KCTD1: variants seen among roughly 807,000 people sequenced by gnomAD.
KCTD1 encodes BTB/POZ domain-containing protein KCTD1.
A neutral mutation model predicts 66.0 loss-of-function variants in KCTD1; 24 were observed. The observed-to-expected ratio is 0.36, with a 90% CI of 0.26 to 0.51. KCTD1 has a LOEUF of 0.51. Among genes scored for constraint, KCTD1 ranks in the 20% least tolerant of loss-of-function variants. KCTD1 has a pLI of 0.95. For missense variants in KCTD1, 943 were observed against 1,205.2 expected (o/e 0.78, Z 3.22); for synonymous variants, 511 against 517.2 (o/e 0.99, Z 0.16).
intron 1 of KCTD1, among the ~76,000 whole-genome samples, chr18:26,513,278 G>T (rs1282349743): frequency 6.6e-6 from 1 of 151,594 alleles, no homozygotes; most frequent in Non-Finnish European, 1.5e-5. Context: ...TAGTAGAGAC[G>T]GGGTTTCATC....
chr18:26,579,435 C>A lies in KCTD1; in HGVS notation c.-16+49712G>T, dbSNP rs113028892. 1.1e-3 allele frequency among the ~76,000 whole-genome samples: 161 copies of A among 152,144 alleles called. 2 individuals carry two copies. The highest frequency in any genetic ancestry group is 3.7e-3 in the African/African-American group (152 of 41,522). On this transcript the variant is annotated intron_variant, in intron 1 of 4. Transcript: ENST00000317932. ...TTACATAACAATTTTGCAGATGACC[C>A]CAGAGAAAACGAAAATTGTAAATTT...
At chr18:26,464,117 A>C (rs1275540885) in intron 3 of KCTD1, among the ~76,000 whole-genome samples, 10 of 152,326 alleles carry the variant, frequency 6.6e-5, no homozygotes, top group African/African-American at 2.4e-4. Context: ...AATTACCACA[A>C]ATTTGGTGGC....
chr18:26,585,317 G>A (rs1986449376), intron 1 of KCTD1, among the ~76,000 whole-genome samples: 1 of 152,090 alleles, frequency 6.6e-6, no homozygotes, highest in East Asian at 1.9e-4. Flanking sequence ...ATATACTTAA[G>A]GCCTAAAGTT....
chr18:26,547,002 T>A lies in KCTD1; in HGVS notation c.1535A>T (p.Asn512Ile). The change falls in exon 1 of 5, where the codon AAC becomes ATC. Residue 512 changes from asparagine to isoleucine, a missense_variant. Around this residue, in one of 10 missense-constraint regions of KCTD1, gnomAD observed 197 missense variants for 182.7 expected, o/e 1.08. Transcript: ENST00000580059. Reference protein sequence around the residue: ...HHRPQPPSLGNTYILPKDSQV... With the variant: ...HHRPQPPSLGITYILPKDSQV... ...GCTGTCTTTGGGGAGGATGTAAGTG[T>A]TCCCCAGCGAGGGCGGCTGGGGGCG... 1 of 1,279,322 alleles carries A rather than the reference T, an allele frequency of 7.8e-7. No individual in the cohort carries two copies. Among genetic ancestry groups the A allele is most frequent in the Non-Finnish European group, 1.0e-6 (1 of 984,110 alleles). 79.2% of individuals were successfully genotyped at this position (1,279,322 alleles called of 1,614,324 possible).
At chr18:26,616,036 C>T (rs1004584229) in intron 1 of KCTD1, among the ~76,000 whole-genome samples, 4 of 152,136 alleles carry the variant, frequency 2.6e-5, no homozygotes, top group African/African-American at 9.7e-5. Flanking sequence ...GGTGATCCGC[C>T]TGCCTCACCC....
At chr18:26,657,392 G>C in exon 1 of KCTD1, 4 of 985,662 alleles carry the variant, frequency 4.1e-6, no homozygotes, top group Non-Finnish European at 4.8e-6. Flanking sequence ...CTCTCTCCAA[G>C]TCCCCTTTTC....
At chr18:26,604,884 C>A (rs538140206) in intron 1 of KCTD1, among the ~76,000 whole-genome samples, 1 of 151,994 alleles carries the variant, frequency 6.6e-6, no homozygotes, top group Non-Finnish European at 1.5e-5. Context: ...ATCCCTGAAC[C>A]TAAAATAAAA....
intron 1 of KCTD1, among the ~76,000 whole-genome samples, chr18:26,628,195 GC>G (rs1212320993): frequency 1.3e-5 from 2 of 152,054 alleles, no homozygotes; most frequent in Non-Finnish European, 2.9e-5. Context: ...ATTTATATAA[GC>G]CTTTGGACCT....
chr18:26,620,348 TAAAAAAAAAAAAAAAA>T (rs10594272), intron 1 of KCTD1, among the ~76,000 whole-genome samples: 12 of 87,206 alleles, frequency 1.4e-4, no homozygotes, highest in African/African-American at 5.5e-4. Context: ...AGGTAAATCT[TAAAAAAAAAAAAAAAA>T]AAAAAAAAAA....
At chr18:26,604,414 T>C (rs893768273) in intron 1 of KCTD1, among the ~76,000 whole-genome samples, 4 of 152,204 alleles carry the variant, frequency 2.6e-5, no homozygotes, top group Non-Finnish European at 5.9e-5. Context: ...ACTGGGTATA[T>C]ACCCAGAGGA....
At chr18:26,496,542 A>C (rs1251314730) in intron 2 of KCTD1, among the ~76,000 whole-genome samples, 1 of 152,188 alleles carries the variant, frequency 6.6e-6, no homozygotes, top group Non-Finnish European at 1.5e-5. Flanking sequence ...TTTGCATCTT[A>C]CATACACATT....
chr18:26,524,403 G>A (rs962996522), intron 1 of KCTD1, among the ~76,000 whole-genome samples: 13 of 152,232 alleles, frequency 8.5e-5, no homozygotes, highest in Admixed American at 2.0e-4. Flanking sequence ...GTTTTATTTC[G>A]AAACACTCTG....
chr18:26,517,605 T>G (rs936805889), intron 1 of KCTD1, among the ~76,000 whole-genome samples: 57 of 136,058 alleles, frequency 4.2e-4, no homozygotes, highest in African/African-American at 1.5e-3. Context: ...TGCAGTGAGC[T>G]GAGATCGTGC....
At chr18:26,534,914 C>A (rs191323171) in intron 1 of KCTD1, among the ~76,000 whole-genome samples, 2 of 152,274 alleles carry the variant, frequency 1.3e-5, no homozygotes, top group Admixed American at 6.5e-5. Flanking sequence ...CTCTCATCAC[C>A]AAAGTATTCT....
intron 3 of KCTD1, among the ~76,000 whole-genome samples, chr18:26,461,489 T>C (rs1980421651): frequency 6.6e-6 from 1 of 152,222 alleles, no homozygotes; most frequent in African/African-American, 2.4e-5. Flanking sequence ...GAGGAGATAC[T>C]GTTTTGCTTT....
intron 1 of KCTD1, among the ~76,000 whole-genome samples, chr18:26,568,449 C>T (rs1986032482): frequency 6.6e-6 from 1 of 151,986 alleles, no homozygotes; most frequent in Admixed American, 6.6e-5. Context: ...GTTGCCCAGG[C>T]TGGTCTCGAA....
chr18:26,591,015 A>C (rs1986588956), intron 1 of KCTD1, among the ~76,000 whole-genome samples: 1 of 152,196 alleles, frequency 6.6e-6, no homozygotes, highest in African/African-American at 2.4e-5. Flanking sequence ...GGTTCAGATT[A>C]GATAATGTAT....
At chr18:26,595,501 C>T (rs771255261) in intron 1 of KCTD1, among the ~76,000 whole-genome samples, 2 of 152,194 alleles carry the variant, frequency 1.3e-5, no homozygotes, top group Admixed American at 6.5e-5. Context: ...CTGCACAACT[C>T]GTGGGCGATG....
intron 1 of KCTD1, among the ~76,000 whole-genome samples, chr18:26,513,913 G>A (rs1272174925): frequency 6.6e-6 from 1 of 152,220 alleles, no homozygotes; most frequent in Non-Finnish European, 1.5e-5. Context: ...CACACCATTT[G>A]CTCTAGCTGA....
Sources: gnomAD v4.1 joint callset for allele counts (sites outside exome capture counted in the v4.1 genomes callset) on GRCh38, gnomAD v4.1.1 for gene constraint, gnomAD v4.1.1 regional missense constraint, MANE v1.5 for transcripts, NCBI Gene and HGNC (gene_info 2026-07-23, HGNC 2026-07-21) for gene names.